ITPRID1: variants seen among roughly 807,000 people sequenced by gnomAD.
ITPRID1 encodes the protein ITPR interacting domain containing 1.
A neutral mutation model predicts 95.4 loss-of-function variants in ITPRID1; 96 were observed. The ratio of observed to expected loss-of-function variants is 1.01; its 90% CI spans 0.85 to 1.19. The LOEUF (loss-of-function observed/expected upper bound fraction) is 1.19, where lower values mean the gene tolerates loss of function less well. ITPRID1 is among the 50% of genes most tolerant of loss of function. The pLI, the probability that ITPRID1 is intolerant of heterozygous loss-of-function variation, is 0.00. For missense variants in ITPRID1, 1,339 were observed against 1,252.9 expected, an observed-to-expected ratio of 1.07 and a Z score of -1.04; for synonymous variants, 510 against 453.6, an observed-to-expected ratio of 1.12 and a Z score of -1.58.
At chr7:31,573,633 C>A (rs1207875555) in intron 7 of ITPRID1, among the ~76,000 whole-genome samples, 4 of 151,946 alleles carry the variant, frequency 2.6e-5, no homozygotes, top group African/African-American at 9.7e-5. Context: ...AAGAGCTGAG[C>A]AAACCTGGTA....
chr7:31,656,592 T>G, downstream of ITPRID1: 1 of 530,854 alleles, frequency 1.9e-6, no homozygotes, highest in Non-Finnish European at 2.4e-6. Context: ...ATGAATGAGA[T>G]GAGGATAAAT....
intron 10 of ITPRID1, among the ~76,000 whole-genome samples, chr7:31,589,846 C>T (rs1409885054): frequency 6.6e-6 from 1 of 151,944 alleles, no homozygotes; most frequent in Non-Finnish European, 1.5e-5. Context: ...GTGTTGTATA[C>T]CATATGTTGA....
chr7:31,599,662 TTC>T lies in ITPRID1; in HGVS notation c.1228+16501_1228+16502del, dbSNP rs70986634. On this transcript the variant is annotated intron_variant, in intron 10 of 14. Coordinates refer to ENST00000615280, the MANE Select transcript of ITPRID1 (RefSeq NM_001257967.3). ...CTTTCTTTCTTTTTCTTTCTTTCCT[TTC>T]TCTCTCTCTCTCTCTCTCTCTCTCT... Among the ~76,000 whole-genome samples the T allele has an allele frequency of 1.5e-3, 46 of 31,420 alleles. 2 individuals carry two copies. Among genetic ancestry groups the T allele is most frequent in the Admixed American group, 0.012 (34 of 2,778 alleles). 20.6% of individuals were successfully genotyped at this position (31,420 alleles called of 152,430 possible). A position where few individuals can be genotyped will look rare whatever the true frequency, so the allele number is the denominator to read the frequency against.
intron 10 of ITPRID1, among the ~76,000 whole-genome samples, chr7:31,610,244 ATTC>A (rs1365130803): frequency 1.3e-5 from 2 of 151,626 alleles, no homozygotes; most frequent in East Asian, 3.9e-4. Flanking sequence ...AAATGTAAGT[ATTC>A]TTCTCATAGA....
At chr7:31,572,658 G>A (rs1466885172) in intron 7 of ITPRID1, among the ~76,000 whole-genome samples, 1 of 152,118 alleles carries the variant, frequency 6.6e-6, no homozygotes, top group African/African-American at 2.4e-5. Flanking sequence ...ATTGGTGGGG[G>A]TAATAATTGA....
rs1784255835 is a variant in ITPRID1 at position 31,550,656 on chromosome 7, GAACAAA to G, written c.-24+1159_-24+1164del. On this transcript the variant is annotated intron_variant, in intron 2 of 14. Transcript: ENST00000615280. ...GGGAAGGCATCCACTAAAACAGGGG[GAACAAA>G]AGAGGTTTTCTTTATGAACTGGTCC... Among the ~76,000 whole-genome samples the G allele has an allele frequency of 1.4e-5, 2 of 144,708 alleles. 1 individual carries two copies. Among genetic ancestry groups the G allele is most frequent in the Non-Finnish European group, 3.1e-5 (2 of 64,000 alleles). 94.9% of individuals were successfully genotyped at this position (144,708 alleles called of 152,430 possible). A position where few individuals can be genotyped will look rare whatever the true frequency, so the allele number is the denominator to read the frequency against.
intron 10 of ITPRID1, among the ~76,000 whole-genome samples, chr7:31,586,983 T>G (rs1426659156): frequency 6.6e-6 from 1 of 152,172 alleles, no homozygotes; most frequent in Non-Finnish European, 1.5e-5. Flanking sequence ...GGTCTAACGT[T>G]TAAGTCTTTA....
chr7:31,613,688 T>C (rs190787994), intron 10 of ITPRID1, among the ~76,000 whole-genome samples: 8 of 152,216 alleles, frequency 5.3e-5, no homozygotes, highest in Non-Finnish European at 1.0e-4. Flanking sequence ...CAGTTTGTTT[T>C]GTTTCTATCT....
At chr7:31,572,289 G>T in intron 7 of ITPRID1, 101 bp downstream of exon 7, 1 of 682,680 alleles carries the variant, frequency 1.5e-6, no homozygotes, top group Non-Finnish European at 2.5e-6. Flanking sequence ...ATGGATGAGA[G>T]AATGAATAAA....
At chr7:31,609,823 G>T (rs868630433) in intron 10 of ITPRID1, among the ~76,000 whole-genome samples, 1 of 150,168 alleles carries the variant, frequency 6.7e-6, no homozygotes, top group Non-Finnish European at 1.5e-5. Context: ...TTTTCATTCT[G>T]CTTGCTTTGC....
intron 12 of ITPRID1, among the ~76,000 whole-genome samples, chr7:31,644,858 G>A (rs1790328867): frequency 1.3e-5 from 2 of 152,184 alleles, no homozygotes; most frequent in Admixed American, 6.6e-5. Flanking sequence ...TTCAGAGCGG[G>A]GTGAAGTGGA....
chr7:31,627,177 C>A (rs981821630), intron 10 of ITPRID1, among the ~76,000 whole-genome samples: 1 of 152,152 alleles, frequency 6.6e-6, no homozygotes, highest in Admixed American at 6.5e-5. Context: ...CAGTATTCCC[C>A]GTTGTCCATG....
intron 5 of ITPRID1, among the ~76,000 whole-genome samples, chr7:31,564,000 A>T (rs1374268720): frequency 6.6e-6 from 1 of 152,184 alleles, no homozygotes; most frequent in Non-Finnish European, 1.5e-5. Context: ...AAAGCTGTAG[A>T]ATGCTATTAT....
chr7:31,525,473 T>G (rs890484996), intron 1 of ITPRID1, among the ~76,000 whole-genome samples: 1 of 152,210 alleles, frequency 6.6e-6, no homozygotes, highest in Non-Finnish European at 1.5e-5. Flanking sequence ...TCAGTGCTAG[T>G]TGAGACTCCA....
At chr7:31,602,644 G>C (rs1786443497) in intron 10 of ITPRID1, among the ~76,000 whole-genome samples, 2 of 152,126 alleles carry the variant, frequency 1.3e-5, no homozygotes, top group South Asian at 4.1e-4. Flanking sequence ...GCAACAAAGG[G>C]CTGGGTAGTC....
chr7:31,518,990 C>A (rs1783132755), intron 1 of ITPRID1, among the ~76,000 whole-genome samples: 1 of 151,948 alleles, frequency 6.6e-6, no homozygotes, highest in East Asian at 1.9e-4. Context: ...TTGTAACAGG[C>A]AAAGAACCTT....
At chr7:31,627,494 C>G (rs1443028344) in intron 10 of ITPRID1, among the ~76,000 whole-genome samples, 1 of 151,504 alleles carries the variant, frequency 6.6e-6, no homozygotes, top group East Asian at 1.9e-4. Flanking sequence ...CCCATCTCTA[C>G]AAAAAAATAA....
At chr7:31,591,968 G>T (rs1785884949) in intron 10 of ITPRID1, among the ~76,000 whole-genome samples, 1 of 151,922 alleles carries the variant, frequency 6.6e-6, no homozygotes, top group Non-Finnish European at 1.5e-5. Flanking sequence ...CACATTTCTG[G>T]ACCAAAAAAA....
intron 5 of ITPRID1, among the ~76,000 whole-genome samples, chr7:31,568,506 C>T (rs1784875285): frequency 6.6e-6 from 1 of 152,198 alleles, no homozygotes; most frequent in East Asian, 1.9e-4. Flanking sequence ...ACACGTCACA[C>T]ATTTGCACCC....
Sources: gnomAD v4.1 joint callset for allele counts (sites outside exome capture counted in the v4.1 genomes callset) on GRCh38, gnomAD v4.1.1 for gene constraint, MANE v1.5 for transcripts, NCBI Gene and HGNC (gene_info 2026-07-23, HGNC 2026-07-21) for gene names.